GNPNAT1: variants seen among roughly 807,000 people sequenced by gnomAD.
The protein encoded by GNPNAT1 is glucosamine 6-phosphate N-acetyltransferase.
In GNPNAT1, 11 loss-of-function variants were observed where a neutral mutation model predicts 19.8. That is an observed-to-expected ratio of 0.56 (90% CI 0.35 to 0.92). The LOEUF is 0.92. Ranked by LOEUF, GNPNAT1 falls within the 40% of genes least tolerant of loss-of-function variation. The pLI, the probability that GNPNAT1 is intolerant of heterozygous loss-of-function variation, is 0.01. For missense variants in GNPNAT1, 157 were observed against 211.0 expected (o/e 0.74, Z 1.59); for synonymous variants, 71 against 72.3 (o/e 0.98, Z 0.09).
intron 1 of GNPNAT1, among the ~76,000 whole-genome samples, chr14:52,786,085 T>C (rs1279505627): frequency 7.0e-6 from 1 of 142,328 alleles, no homozygotes; most frequent in Non-Finnish European, 1.5e-5. Context: ...CAATGAACCA[T>C]GAATAGAAGA....
At position 52,778,108 on chromosome 14, in the gene GNPNAT1, T is replaced by A. The variant is rs1471538064; in HGVS notation, c.*203A>T. 8.3e-6 allele frequency: 3 copies of A among 362,910 alleles called. No homozygotes were observed. The highest frequency in any genetic ancestry group is 1.5e-5 in the Non-Finnish European group (3 of 203,486). 22.5% of individuals were successfully genotyped at this position (362,910 alleles called of 1,614,324 possible). ...CTTTGGTTAAAAATCATCCCCTTTA[T>A]AATATTCATTTGTAATCTAAATTCA... On this transcript the variant is annotated 3_prime_UTR_variant, in exon 6 of 6. Transcript: ENST00000216410.
chr14:52,783,924 G>A (rs755097941), intron 2 of GNPNAT1, among the ~76,000 whole-genome samples: 4 of 152,126 alleles, frequency 2.6e-5, no homozygotes, highest in Non-Finnish European at 5.9e-5. Flanking sequence ...AATTTCTAGT[G>A]AATTTCATTA....
chr14:52,790,600 G>GAC (rs1409039731), intron 1 of GNPNAT1, among the ~76,000 whole-genome samples: 1 of 152,172 alleles, frequency 6.6e-6, no homozygotes, highest in Non-Finnish European at 1.5e-5. Flanking sequence ...GCAAGTAAGT[G>GAC]ACTTGGGGCT....
intron 5 of GNPNAT1, 44 bp downstream of exon 5, chr14:52,780,635 T>G: frequency 7.7e-7 from 1 of 1,300,882 alleles, no homozygotes; most frequent in Non-Finnish European, 1.1e-6. Context: ...GAAACTAAAT[T>G]GGAACAAAAT....
At chr14:52,783,273 C>G in intron 3 of GNPNAT1, 150 bp downstream of exon 3, 1 of 550,150 alleles carries the variant, frequency 1.8e-6, no homozygotes, top group Non-Finnish European at 3.2e-6. Context: ...AACAACTCAG[C>G]CACATTAAAC....
chr14:52,788,226 TC>T (rs1240107287), intron 1 of GNPNAT1, among the ~76,000 whole-genome samples: 1 of 152,058 alleles, frequency 6.6e-6, no homozygotes, highest in African/African-American at 2.4e-5. Flanking sequence ...GCTCAAGTGA[TC>T]CTCCTACCTC....
At chr14:52,782,910 C>T (rs909350617) in intron 3 of GNPNAT1, among the ~76,000 whole-genome samples, 1 of 151,882 alleles carries the variant, frequency 6.6e-6, no homozygotes, top group Non-Finnish European at 1.5e-5. Context: ...GGTTTTATTC[C>T]TCACCGTAGC....
chr14:52,784,760 T>A (rs1008462994), intron 1 of GNPNAT1, 96 bp from the exon 2 acceptor site: 5 of 541,438 alleles, frequency 9.2e-6, no homozygotes, highest in African/African-American at 2.0e-5. Context: ...ATTAGAAGCA[T>A]TCTTTAGCAC....
intron 1 of GNPNAT1, among the ~76,000 whole-genome samples, chr14:52,785,272 A>G (rs184399061): frequency 3.7e-4 from 56 of 152,242 alleles, no homozygotes; most frequent in African/African-American, 1.3e-3. Flanking sequence ...GGTTGGTGCT[A>G]CTAAATGAAT....
Position 52,776,248 on chromosome 14 carries a change from TA to T in GNPNAT1, c.*2062del, listed in dbSNP as rs552986344. On this transcript the variant is annotated 3_prime_UTR_variant, in exon 6 of 6. Transcript: ENST00000216410. ...GTCCTGCTCCACAAGGAGCAGTTTT[TA>T]AAAAAAAAAAGTTTAAGAAGTGTTT... 1.7e-4 allele frequency: 25 copies of T among 148,178 alleles called. No homozygotes were observed. The highest frequency in any genetic ancestry group is 3.7e-4 in the African/African-American group (15 of 40,486). The allele number at this position is 148,178 out of a possible 1,614,324, so 9.2% of individuals were successfully genotyped here. A position where few individuals can be genotyped will look rare whatever the true frequency, so the allele number is the denominator to read the frequency against.
intron 1 of GNPNAT1, among the ~76,000 whole-genome samples, chr14:52,787,452 C>G (rs1157775252): frequency 1.3e-5 from 2 of 152,104 alleles, no homozygotes; most frequent in African/African-American, 4.8e-5. Flanking sequence ...TTTACTAATT[C>G]ATTTATTTCA....
intron 1 of GNPNAT1, among the ~76,000 whole-genome samples, chr14:52,785,622 C>G (rs1882996856): frequency 6.6e-6 from 1 of 150,792 alleles, no homozygotes. Context: ...ACTCGGGAGG[C>G]TGAGGCAGGA....
rs1359302848 is a variant in GNPNAT1 at position 52,780,758 on chromosome 14, G to A, written c.346-18C>T. ...CTTCCTCTCTGAAAATATTTACAATGTTTAAAGGAGTAAGCATTTACTTTT... is the reference window on the plus strand; with the variant it reads ...CTTCCTCTCTGAAAATATTTACAATATTTAAAGGAGTAAGCATTTACTTTT... On this transcript the variant is annotated intron_variant, in intron 4 of 5. Transcript: ENST00000216410. The A allele has an allele frequency of 2.1e-6, 3 of 1,460,926 alleles. No homozygotes were observed. The highest frequency in any genetic ancestry group is 2.3e-5 in the East Asian group (1 of 43,920). 90.5% of individuals were successfully genotyped at this position (1,460,926 alleles called of 1,614,324 possible).
At chr14:52,785,060 G>T (rs1882980953) in intron 1 of GNPNAT1, among the ~76,000 whole-genome samples, 1 of 151,366 alleles carries the variant, frequency 6.6e-6, no homozygotes, top group Non-Finnish European at 1.5e-5. Flanking sequence ...TGAGTATCTG[G>T]GATTATAGGC....
At chr14:52,784,883 A>C (rs1882975430) in intron 1 of GNPNAT1, among the ~76,000 whole-genome samples, 2 of 152,048 alleles carry the variant, frequency 1.3e-5, no homozygotes, top group South Asian at 4.1e-4. Flanking sequence ...TAAGTGACTA[A>C]ATTAGTAAGT....
chr14:52,786,532 A>G (rs574273628), intron 1 of GNPNAT1, among the ~76,000 whole-genome samples: 1 of 152,182 alleles, frequency 6.6e-6, no homozygotes, highest in African/African-American at 2.4e-5. Flanking sequence ...ATTAAACTGT[A>G]TAGTGTTTCT....
chr14:52,786,221 T>G (rs1009423894), intron 1 of GNPNAT1, among the ~76,000 whole-genome samples: 1 of 151,862 alleles, frequency 6.6e-6, no homozygotes, highest in African/African-American at 2.4e-5. Context: ...ATCTGTGGTA[T>G]GGACCAGGCA....
intron 2 of GNPNAT1, 76 bp downstream of exon 2, chr14:52,784,421 A>T (rs1882963003): frequency 8.1e-7 from 1 of 1,237,222 alleles, no homozygotes; most frequent in Admixed American, 2.8e-5. Flanking sequence ...AATATTTAAA[A>T]AAAATTATCT....
rs369850438 is a variant in GNPNAT1 at position 52,784,639 on chromosome 14, A to G, written c.12T>C (p.Asp4=). The change falls in exon 2 of 6, where the codon GAT becomes GAC. Residue 4 remains aspartate, a synonymous_variant. Transcript: ENST00000216410. ...GACTTGGGTCAAACATAGGAGTTTCATCAGGTTTCATTTTTCTAGTAAGGT... is the reference window on the plus strand; with the variant it reads ...GACTTGGGTCAAACATAGGAGTTTCGTCAGGTTTCATTTTTCTAGTAAGGT... MKP[D]ETPMFDPSLL... is the part of the protein sequence containing the mutation. The G allele has an allele frequency of 6.4e-7, 1 of 1,552,156 alleles. No homozygotes were observed. The highest frequency in any genetic ancestry group is 2.0e-5 in the Admixed American group (1 of 49,266).
Sources: allele counts gnomAD v4.1 joint callset (sites outside exome capture counted in the v4.1 genomes callset), GRCh38; gene constraint gnomAD v4.1.1; transcripts MANE v1.5; gene names NCBI Gene and HGNC (gene_info 2026-07-23, HGNC 2026-07-21).